The following GLB1L3 variants were observed in gnomAD, a reference collection of about 807,000 sequenced individuals.
GLB1L3 encodes galactosidase beta 1 like 3.
A neutral mutation model predicts 89.5 loss-of-function variants in GLB1L3; 89 were observed. That is an observed-to-expected ratio of 0.99 (90% CI 0.84 to 1.19). The LOEUF (loss-of-function observed/expected upper bound fraction) is 1.19. GLB1L3 is among the 50% of genes most tolerant of loss of function. GLB1L3 has a pLI of 0.00. For missense variants in GLB1L3, 812 were observed against 813.3 expected, an observed-to-expected ratio of 1.00 and a Z score of 0.02; for synonymous variants, 314 against 312.3, an observed-to-expected ratio of 1.01 and a Z score of -0.06.
chr11:134,312,985 G>T, intron 15 of GLB1L3, 98 bp downstream of exon 15: 2 of 854,146 alleles, frequency 2.3e-6, no homozygotes, highest in Non-Finnish European at 3.9e-6. Flanking sequence ...CACCCCTGCT[G>T]CTGGTGCTGC....
At chr11:134,287,664 G>C (rs557216714) in intron 6 of GLB1L3, among the ~76,000 whole-genome samples, 1 of 152,322 alleles carries the variant, frequency 6.6e-6, no homozygotes, top group South Asian at 2.1e-4. Flanking sequence ...ATTGCTGAGC[G>C]CCAGGGCCTG....
chr11:134,291,083 G>A (rs1301079097), intron 7 of GLB1L3, among the ~76,000 whole-genome samples: 2 of 151,986 alleles, frequency 1.3e-5, no homozygotes, highest in Non-Finnish European at 1.5e-5. Flanking sequence ...ATTCAAACCC[G>A]TGTCTAGCTC....
chr11:134,306,737 A>T (rs949458398), intron 9 of GLB1L3, among the ~76,000 whole-genome samples: 1 of 152,276 alleles, frequency 6.6e-6, no homozygotes, highest in African/African-American at 2.4e-5. Flanking sequence ...GCTAGGCTAC[A>T]AGTGGAATGC....
chr11:134,296,861 AT>A (rs1941680205), intron 9 of GLB1L3, among the ~76,000 whole-genome samples: 1 of 131,660 alleles, frequency 7.6e-6, no homozygotes, highest in Non-Finnish European at 1.7e-5. Flanking sequence ...AATAATAATA[AT>A]AAAAACAAAC....
At chr11:134,304,210 A>G (rs747007626) in intron 9 of GLB1L3, among the ~76,000 whole-genome samples, 5 of 151,954 alleles carry the variant, frequency 3.3e-5, no homozygotes, top group African/African-American at 4.8e-5. Flanking sequence ...TAGTTTGTAC[A>G]TTTTTGTCTA....
At chr11:134,286,944 A>G (rs535697530) in intron 6 of GLB1L3, among the ~76,000 whole-genome samples, 1 of 150,974 alleles carries the variant, frequency 6.6e-6, no homozygotes, top group South Asian at 2.1e-4. Context: ...GTGGATCACG[A>G]GGTCAGGAGA....
intron 6 of GLB1L3, among the ~76,000 whole-genome samples, chr11:134,288,423 G>C (rs1044456214): frequency 1.3e-5 from 2 of 152,218 alleles, no homozygotes; most frequent in African/African-American, 4.8e-5. Flanking sequence ...TCCTGATCAG[G>C]CAGCGGAAGG....
chr11:134,276,793 G>A, intron 1 of GLB1L3, 30 bp downstream of exon 1: 3 of 1,403,064 alleles, frequency 2.1e-6, no homozygotes, highest in South Asian at 1.5e-5. Context: ...GTCCCGGGCT[G>A]CCCACCACCC....
chr11:134,295,760 CTG>C (rs1254682443), intron 9 of GLB1L3, among the ~76,000 whole-genome samples: 1 of 152,086 alleles, frequency 6.6e-6, no homozygotes, highest in Admixed American at 6.6e-5. Flanking sequence ...GTAAATTTCT[CTG>C]TATGTACTAG....
At chr11:134,314,495 A>G (rs542345616) in intron 18 of GLB1L3, 54 bp downstream of exon 18, 4 of 1,130,732 alleles carry the variant, frequency 3.5e-6, no homozygotes, top group Non-Finnish European at 5.2e-6. Flanking sequence ...TTATTTTTAA[A>G]GAGTCCTGAA....
chr11:134,305,341 T>A, intron 9 of GLB1L3: 1 of 492,770 alleles, frequency 2.0e-6, no homozygotes, highest in East Asian at 3.2e-5. Context: ...AGGAGAAATT[T>A]GTGCTGTTAG....
intron 10 of GLB1L3, among the ~76,000 whole-genome samples, chr11:134,308,655 T>TCACCACCACCACCATCAC (rs1942555854): frequency 6.6e-4 from 70 of 105,600 alleles, no homozygotes; most frequent in African/African-American, 2.3e-3. Context: ...ACCACCATCA[T>TCACCACCACCACCATCAC]CACCACCACC....
At chr11:134,313,356 C>A in intron 15 of GLB1L3, 40 bp from the exon 16 acceptor site, 1 of 1,508,812 alleles carries the variant, frequency 6.6e-7, no homozygotes, top group South Asian at 1.2e-5. Flanking sequence ...AGACGCCCTC[C>A]ATGGCTGCGT....
intron 9 of GLB1L3, among the ~76,000 whole-genome samples, chr11:134,294,724 C>A (rs1144221): frequency 0.31 from 46,514 of 152,120 alleles, 7,557 homozygotes; most frequent in Non-Finnish European, 0.36. Flanking sequence ...CACATAAGCG[C>A]GCTCATGCAG....
chr11:134,313,830 C>A, intron 16 of GLB1L3, 111 bp from the exon 17 acceptor site: 2 of 724,516 alleles, frequency 2.8e-6, no homozygotes, highest in Non-Finnish European at 4.9e-6. Flanking sequence ...GCCCTCCTGG[C>A]TGTGCCCCTG....
intron 9 of GLB1L3, among the ~76,000 whole-genome samples, chr11:134,300,963 C>T (rs1941916578): frequency 2.6e-5 from 4 of 152,194 alleles, no homozygotes; most frequent in Admixed American, 2.6e-4. Context: ...GCCCGGGATT[C>T]TCCCGAATCT....
chr11:134,290,306 C>T (rs1162838183), intron 7 of GLB1L3, among the ~76,000 whole-genome samples: 1 of 152,130 alleles, frequency 6.6e-6, no homozygotes, highest in Non-Finnish European at 1.5e-5. Flanking sequence ...TGCTCAGTGG[C>T]GCATGCCTAG....
At chr11:134,298,888 C>T (rs529651516) in intron 9 of GLB1L3, among the ~76,000 whole-genome samples, 1 of 152,306 alleles carries the variant, frequency 6.6e-6, no homozygotes, top group South Asian at 2.1e-4. Flanking sequence ...GAATTCTGAG[C>T]TGTCACTTAT....
At chr11:134,311,234 A>G in intron 13 of GLB1L3, 64 bp downstream of exon 13, 5 of 1,212,616 alleles carry the variant, frequency 4.1e-6, no homozygotes, top group Non-Finnish European at 6.1e-6. Context: ...GGATTCCTTC[A>G]GGAAACTTTT....
Sources: allele counts gnomAD v4.1 joint callset (sites outside exome capture counted in the v4.1 genomes callset), GRCh38; gene constraint gnomAD v4.1.1; transcripts MANE v1.5; gene names NCBI Gene and HGNC (gene_info 2026-07-23, HGNC 2026-07-21).